Variants in AKAP13 observed in about 807,000 individuals in gnomAD.
AKAP13 encodes A-kinase anchor protein 13.
A neutral mutation model predicts 264.5 loss-of-function variants in AKAP13; 80 were observed. The ratio of observed to expected loss-of-function variants is 0.30; its 90% CI spans 0.25 to 0.36. AKAP13 has a LOEUF of 0.36. Ranked by LOEUF, AKAP13 falls within the 10% of genes least tolerant of loss-of-function variation. The probability of loss-of-function intolerance (pLI) is 1.00; values close to 1 mark genes in which losing one functional copy is unlikely to be tolerated. For synonymous variants in AKAP13, 1,380 were observed against 1,250.2 expected (o/e 1.10, Z -2.19); for missense variants, 3,712 against 3,435.2 (o/e 1.08, Z -2.01).
At chr15:85,590,896 A>G (rs758417115) in intron 8 of AKAP13, among the ~76,000 whole-genome samples, 6 of 152,168 alleles carry the variant, frequency 3.9e-5, no homozygotes, top group Non-Finnish European at 8.8e-5. Flanking sequence ...ACAGCTTAGT[A>G]TTATTATTAG....
intron 6 of AKAP13, among the ~76,000 whole-genome samples, chr15:85,576,849 G>A (rs1306155401): frequency 6.6e-6 from 1 of 152,122 alleles, no homozygotes; most frequent in African/African-American, 2.4e-5. Context: ...ATATAGTTTT[G>A]CAGGTACCAA....
At position 85,607,769 on chromosome 15, in the gene AKAP13, T is replaced by A. The variant is rs140474476; in HGVS notation, c.4161+21946T>A. ...TGTAATCTAAGGTAAACAGTTACAT[T>A]GTACTTTCTTAAAAATTTCCAGAAC... On this transcript the variant is annotated intron_variant, in intron 8 of 36. Coordinates refer to ENST00000394518, the MANE Select transcript of AKAP13 (RefSeq NM_007200.5). 6.3e-3 allele frequency among the ~76,000 whole-genome samples: 966 copies of A among 152,372 alleles called. 11 individuals are homozygous for A. The highest frequency in any genetic ancestry group is 0.022 in the African/African-American group (907 of 41,596).
rs560312329 is a variant in AKAP13, at chr15:85,748,719, A to G, written c.*4042A>G. 2.3e-4 allele frequency: 35 copies of G among 152,286 alleles called. No homozygotes were observed. The highest frequency in any genetic ancestry group is 8.4e-4 in the African/African-American group (35 of 41,548). 9.4% of individuals were successfully genotyped at this position (152,286 alleles called of 1,614,324 possible). A position where few individuals can be genotyped will look rare whatever the true frequency, so the allele number is the denominator to read the frequency against. On this transcript the variant is annotated 3_prime_UTR_variant, in exon 37 of 37. Transcript: ENST00000394518. ...ATCTAATTTAATTGTCAAAAGATTG[A>G]TAGGCCATGAATTACTTCTCCATCT...
At chr15:85,615,599 A>G (rs1034919317) in intron 8 of AKAP13, among the ~76,000 whole-genome samples, 1 of 152,230 alleles carries the variant, frequency 6.6e-6, no homozygotes, top group African/African-American at 2.4e-5. Flanking sequence ...GTAACTCTGG[A>G]TGGATCACTA....
chr15:85,616,272 C>T (rs1222547259), intron 8 of AKAP13, among the ~76,000 whole-genome samples: 3 of 152,154 alleles, frequency 2.0e-5, no homozygotes, highest in South Asian at 2.1e-4. Context: ...ACTAAAGCAG[C>T]CACAGTGTTG....
intron 1 of AKAP13, among the ~76,000 whole-genome samples, chr15:85,415,870 T>TGATTA (rs757296506): frequency 3.3e-5 from 5 of 152,222 alleles, no homozygotes. Context: ...TGTATATTGA[T>TGATTA]GATTATCTTT....
rs536869396 is a variant in AKAP13, at chr15:85,734,981, C to T, written c.7283-11C>T. 8.1e-6 allele frequency: 13 copies of T among 1,611,626 alleles called. No homozygotes were observed. The highest frequency in any genetic ancestry group is 5.3e-5 in the African/African-American group (4 of 74,846). On this transcript the variant is annotated splice_polypyrimidine_tract_variant and intron_variant, in intron 30 of 36. Coordinates refer to ENST00000394518, the MANE Select transcript of AKAP13 (RefSeq NM_007200.5). Reference sequence around the variant, plus strand: ...ATAAGATGTCAGCTTTGCATGTTTCCTTTATTCCAGTGGAGATCCTTCAGG... The same window carrying T: ...ATAAGATGTCAGCTTTGCATGTTTCTTTTATTCCAGTGGAGATCCTTCAGG...
At chr15:85,530,060 A>G (rs2077198038) in intron 3 of AKAP13, among the ~76,000 whole-genome samples, 1 of 152,108 alleles carries the variant, frequency 6.6e-6, no homozygotes, top group Non-Finnish European at 1.5e-5. Flanking sequence ...GATTTTAGTT[A>G]TACACAGAGC....
Position 85,744,846 on chromosome 15 carries a change from T to G in AKAP13, c.*169T>G. 1.8e-6 allele frequency: 1 copy of G among 569,310 alleles called. No individual in the cohort carries two copies. The highest frequency in any genetic ancestry group is 3.0e-6 in the Non-Finnish European group (1 of 333,372). The allele number at this position is 569,310 out of a possible 1,614,324, so 35.3% of individuals were successfully genotyped here. ...AATAAGCAACAGATGATATTGAGTG[T>G]CGGGTGGGGAAGGAGGCCCAGACTC... On this transcript the variant is annotated 3_prime_UTR_variant, in exon 37 of 37. Transcript: ENST00000394518.
chr15:85,439,974 AAAT>A (rs562499747), intron 1 of AKAP13, among the ~76,000 whole-genome samples: 21 of 143,522 alleles, frequency 1.5e-4, no homozygotes, highest in South Asian at 4.7e-4. Flanking sequence ...GTATAATAAA[AAAT>A]AATAATAATA....
intron 19 of AKAP13, among the ~76,000 whole-genome samples, chr15:85,711,022 T>A (rs1178540301): frequency 6.8e-6 from 1 of 147,606 alleles, no homozygotes; most frequent in Middle Eastern, 3.4e-3. Context: ...TTTTTTTTTT[T>A]ATTATTTTTT....
At chr15:85,515,078 C>G (rs1241267379) in intron 2 of AKAP13, among the ~76,000 whole-genome samples, 1 of 137,116 alleles carries the variant, frequency 7.3e-6, no homozygotes, top group Non-Finnish European at 1.6e-5. Flanking sequence ...TTCTTGGAGC[C>G]TACAAGAATG....
At chr15:85,709,484 C>T (rs1012232982) in intron 18 of AKAP13, among the ~76,000 whole-genome samples, 3 of 152,014 alleles carry the variant, frequency 2.0e-5, no homozygotes, top group Non-Finnish European at 2.9e-5. Flanking sequence ...CACTGCCTTC[C>T]CACACCCCAC....
intron 1 of AKAP13, among the ~76,000 whole-genome samples, chr15:85,440,619 C>G (rs1446415054): frequency 6.6e-6 from 1 of 152,192 alleles, no homozygotes; most frequent in African/African-American, 2.4e-5. Context: ...CACCTGAGGT[C>G]ATTCAGGTAC....
At chr15:85,504,057 G>A (rs145254891) in intron 2 of AKAP13, among the ~76,000 whole-genome samples, 156 of 152,230 alleles carry the variant, frequency 1.0e-3, no homozygotes, top group Non-Finnish European at 1.9e-3. Flanking sequence ...GTGCTTCCCA[G>A]TGTGTGGAGG....
At chr15:85,542,854 A>C (rs1173697165) in intron 4 of AKAP13, among the ~76,000 whole-genome samples, 4 of 152,240 alleles carry the variant, frequency 2.6e-5, no homozygotes, top group Non-Finnish European at 5.9e-5. Flanking sequence ...GCCAGTCATA[A>C]TACTAGCATT....
chr15:85,736,912 C>CTTTTTTTTTTTTTTT, intron 33 of AKAP13, among the ~76,000 whole-genome samples: 1 of 98,046 alleles, frequency 1.0e-5, no homozygotes, highest in Non-Finnish European at 1.9e-5. Context: ...ATATCATCAT[C>CTTTTTTTTTTTTTTT]TTTTTTTTTT....
intron 1 of AKAP13, among the ~76,000 whole-genome samples, chr15:85,442,647 T>C (rs2150960610): frequency 6.6e-6 from 1 of 150,496 alleles, no homozygotes; most frequent in South Asian, 2.1e-4. Context: ...AACATGTTTA[T>C]TACAGAAACG....
intron 5 of AKAP13, among the ~76,000 whole-genome samples, chr15:85,552,628 CTTTTTTT>C (rs55743971): frequency 1.6e-5 from 2 of 125,068 alleles, no homozygotes; most frequent in South Asian, 4.9e-4. Context: ...TTTTTTTGGC[CTTTTTTT>C]TTTTTTTTTT....
Sources: gnomAD v4.1 joint callset for allele counts (sites outside exome capture counted in the v4.1 genomes callset) on GRCh38, gnomAD v4.1.1 for gene constraint, MANE v1.5 for transcripts, NCBI Gene and HGNC (gene_info 2026-07-23, HGNC 2026-07-21) for gene names.